Variants in AKAP19 observed in about 807,000 individuals in gnomAD.
AKAP19 encodes small A-kinase anchoring protein.
At chr2:190,017,404 C>G in the AKAP19 span, among the ~76,000 whole-genome samples, 1 of 151,946 alleles carries the variant, frequency 6.6e-6, no homozygotes, top group Non-Finnish European at 1.5e-5. Context: ...TGCTTTTAAT[C>G]TTTTCTATTT....
chr2:190,116,322 G>T, the AKAP19 span, among the ~76,000 whole-genome samples: 5 of 152,120 alleles, frequency 3.3e-5, no homozygotes, highest in African/African-American at 1.2e-4. Flanking sequence ...GTTATTCCCT[G>T]CCAGAAAGCA....
At chr2:189,950,060 C>T in the AKAP19 span, among the ~76,000 whole-genome samples, 4 of 109,632 alleles carry the variant, frequency 3.6e-5, no homozygotes, top group Non-Finnish European at 6.8e-5. Context: ...TGAAGTCTCG[C>T]TCTTGTCCCC....
chr2:190,104,993 G>T, the AKAP19 span, among the ~76,000 whole-genome samples: 50 of 152,296 alleles, frequency 3.3e-4, no homozygotes, highest in South Asian at 0.01. Context: ...AACAGCAAAT[G>T]CTGGTGAGGC....
At chr2:190,138,207 A>G in the AKAP19 span, among the ~76,000 whole-genome samples, 5 of 152,146 alleles carry the variant, frequency 3.3e-5, no homozygotes, top group Non-Finnish European at 7.4e-5. Flanking sequence ...ACTACTGATC[A>G]TGATTTATTT....
At chr2:189,908,635 A>G in the AKAP19 span, among the ~76,000 whole-genome samples, 1 of 152,184 alleles carries the variant, frequency 6.6e-6, no homozygotes, top group African/African-American at 2.4e-5. Flanking sequence ...GGAGCATGTA[A>G]TTTAATGTCC....
chr2:190,142,024 G>A, the AKAP19 span, among the ~76,000 whole-genome samples: 1 of 152,204 alleles, frequency 6.6e-6, no homozygotes, highest in Admixed American at 6.5e-5. Flanking sequence ...TGGGTCCCAT[G>A]TGCATATTCA....
chr2:190,029,709 A>C, the AKAP19 span, among the ~76,000 whole-genome samples: 1 of 152,196 alleles, frequency 6.6e-6, no homozygotes, highest in Non-Finnish European at 1.5e-5. Context: ...ATGTGTAAAA[A>C]AGTGAGCATG....
chr2:189,915,724 G>A, the AKAP19 span, among the ~76,000 whole-genome samples: 242 of 152,092 alleles, frequency 1.6e-3, 1 homozygote, highest in Middle Eastern at 3.4e-3. Context: ...AGGTATTGCC[G>A]GGGGAAATTT....
the AKAP19 span, among the ~76,000 whole-genome samples, chr2:190,163,204 A>G: frequency 3.3e-5 from 5 of 151,244 alleles, no homozygotes; most frequent in African/African-American, 1.2e-4. Flanking sequence ...GGAGGCCGAG[A>G]CGGGCGGATC....
At chr2:190,033,128 T>A in the AKAP19 span, among the ~76,000 whole-genome samples, 148,664 of 152,250 alleles carry the variant, frequency 0.98, 72,685 homozygotes, top group East Asian at 1. Flanking sequence ...GTCTACATAC[T>A]TACATTTATC....
At chr2:190,187,437 T>A in the AKAP19 span, among the ~76,000 whole-genome samples, 2 of 151,316 alleles carry the variant, frequency 1.3e-5, no homozygotes, top group Non-Finnish European at 2.9e-5. Flanking sequence ...GCTGGTTTTG[T>A]GTTTGGGTCC....
At chr2:190,119,771 G>T in the AKAP19 span, among the ~76,000 whole-genome samples, 1 of 151,924 alleles carries the variant, frequency 6.6e-6, no homozygotes, top group Non-Finnish European at 1.5e-5. Flanking sequence ...AATCCCATGT[G>T]ACATTCTGAA....
chr2:189,901,590 TGCCTCC>T, the AKAP19 span, among the ~76,000 whole-genome samples: 1 of 152,246 alleles, frequency 6.6e-6, no homozygotes, highest in South Asian at 2.1e-4. Context: ...TGCCCATCTC[TGCCTCC>T]CAAAGTGCTG....
the AKAP19 span, among the ~76,000 whole-genome samples, chr2:190,031,261 G>T: frequency 6.6e-6 from 1 of 152,172 alleles, no homozygotes; most frequent in African/African-American, 2.4e-5. Flanking sequence ...GTAGGGAAGG[G>T]CAGTATAGAG....
the AKAP19 span, among the ~76,000 whole-genome samples, chr2:190,024,665 T>C: frequency 6.6e-6 from 1 of 152,136 alleles, no homozygotes; most frequent in South Asian, 2.1e-4. Context: ...GATTGGGTAC[T>C]TGAATTCACT....
the AKAP19 span, among the ~76,000 whole-genome samples, chr2:190,070,264 T>C: frequency 1.3e-5 from 2 of 152,126 alleles, no homozygotes; most frequent in African/African-American, 4.8e-5. Flanking sequence ...GGGTCAGTGT[T>C]TTGTTATATA....
the AKAP19 span, among the ~76,000 whole-genome samples, chr2:189,957,852 G>A: frequency 5.9e-5 from 9 of 152,144 alleles, no homozygotes; most frequent in Admixed American, 2.6e-4. Flanking sequence ...GGAATGCAGT[G>A]GTGCCATCTC....
At chr2:190,104,441 A>G in the AKAP19 span, among the ~76,000 whole-genome samples, 4 of 152,350 alleles carry the variant, frequency 2.6e-5, no homozygotes, top group Admixed American at 2.6e-4. Context: ...TATGCATCAG[A>G]CAAGGGTCTA....
the AKAP19 span, chr2:190,180,898 G>C: frequency 1.0e-6 from 1 of 985,268 alleles, no homozygotes; most frequent in Non-Finnish European, 1.2e-6. This position sits in a 1 kb window ranked among gnomAD's most constrained non-coding sequence, Gnocchi z 6.8. Context: ...GCGCCGGCGA[G>C]AAGGCGGCGC....
Sources: gnomAD v4.1 joint callset for allele counts (sites outside exome capture counted in the v4.1 genomes callset) on GRCh38, gnomAD v4.1.1 for gene constraint, Gnocchi (gnomAD v3.1) non-coding constraint, MANE v1.5 for transcripts, NCBI Gene and HGNC (gene_info 2026-07-23, HGNC 2026-07-21) for gene names.